Variants in RELA observed in about 807,000 individuals in gnomAD.
The protein encoded by RELA is transcription factor p65.
RELA carries 14 observed loss-of-function variants against 56.7 expected under a neutral mutation model. The observed-to-expected ratio is 0.25, with a 90% CI of 0.16 to 0.39. The LOEUF (loss-of-function observed/expected upper bound fraction) is 0.39, where lower values mean the gene tolerates loss of function less well. RELA is among the 10% of genes least tolerant of loss of function. RELA has a pLI of 1.00. For synonymous variants in RELA, 315 were observed against 289.7 expected (o/e 1.09, Z -0.89); for missense variants, 559 against 736.4 (o/e 0.76, Z 2.79).
chr11:65,660,339 G>A (rs1385779950), intron 4 of RELA, 124 bp from the exon 5 acceptor site: 2 of 823,874 alleles, frequency 2.4e-6, no homozygotes, highest in African/African-American at 3.4e-5. Flanking sequence ...ACCCTCTCCA[G>A]TGGCTTCCTA....
In RELA at chr11:65,654,891, C is replaced by T. The variant is rs12721574; in HGVS notation, c.1143G>A (p.Pro381=). ...CCTGGGGCAGGACTTGGGGAGGGGC[C>T]GGGGCCAAGGCCGAGGCCTGGCTGA... ...GQISQASALA[P]APPQVLPQAP... is the part of the protein sequence containing the mutation. Residue 381 remains proline, a synonymous_variant, in exon 11 of 11, where the codon CCG becomes CCA. Coordinates refer to ENST00000406246, the MANE Select transcript of RELA (RefSeq NM_021975.4). 1.1e-4 allele frequency: 179 copies of T among 1,584,220 alleles called. 1 individual carries two copies. The East Asian group carries it at 3.5e-3, about 31-fold the overall frequency.
Position 65,658,273 on chromosome 11 carries a change from C to A in RELA, c.877+14G>T. The A allele has an allele frequency of 6.4e-7, 1 of 1,568,078 alleles. No individual in the cohort carries two copies. The highest frequency in any genetic ancestry group is 2.3e-5 in the East Asian group (1 of 43,518). On this transcript the variant is annotated intron_variant, in intron 8 of 10. Transcript: ENST00000406246. This position sits in a 1 kb window ranked among gnomAD's most constrained non-coding sequence, Gnocchi z 4.5. Reference sequence around the variant, plus strand: ...GAGCCCAGCTGCCCTGATGCTGCCACCCCAGCTGTGTACCTGTATCTGGCA... The same window carrying A: ...GAGCCCAGCTGCCCTGATGCTGCCAACCCAGCTGTGTACCTGTATCTGGCA...
At chr11:65,655,100 CCTCT>C in intron 10 of RELA, 100 bp from the exon 11 acceptor site, 2 of 957,358 alleles carry the variant, frequency 2.1e-6, no homozygotes, top group Non-Finnish European at 3.2e-6. Context: ...AGGCTCAATC[CCTCT>C]CTAGGGAGTC....
chr11:65,654,265 A>C lies in RELA; in HGVS notation c.*113T>G. ...AATATGGCTCCCCCCTCCAAGGAAG[A>C]CATCCACAAAGTTGGGGGCAGTTGG... On this transcript the variant is annotated 3_prime_UTR_variant, in exon 11 of 11. Coordinates refer to ENST00000406246, the MANE Select transcript of RELA (RefSeq NM_021975.4). 1 of 1,292,222 alleles carries C rather than the reference A, an allele frequency of 7.7e-7. No homozygotes were observed. Among genetic ancestry groups the C allele is most frequent in the Non-Finnish European group, 1.1e-6 (1 of 898,258 alleles). The allele number at this position is 1,292,222 out of a possible 1,614,324, so 80.0% of individuals were successfully genotyped here.
Position 65,655,938 on chromosome 11 carries a change from G to A in RELA, c.878-3C>T, listed in dbSNP as rs1856416031. On this transcript the variant is annotated splice_polypyrimidine_tract_variant and splice_region_variant and intron_variant, in intron 8 of 10. Transcript: ENST00000406246. The stretch of plus-strand genomic sequence containing the variant: ...CTCCTCAATCCGGTGACGATCGTCT[G>A]GGAAAGTAAGGGGGAGAAGTGGGAC... 13 of 1,613,802 alleles carry A rather than the reference G, an allele frequency of 8.1e-6. No homozygotes were observed. Among genetic ancestry groups the A allele is most frequent in the Non-Finnish European group, 1.1e-5 (13 of 1,179,796 alleles).
chr11:65,661,513 G>C, intron 4 of RELA, 174 bp downstream of exon 4: 1 of 583,166 alleles, frequency 1.7e-6, no homozygotes, highest in Non-Finnish European at 3.0e-6. Context: ...ATCTGCTAGA[G>C]TAAACGTACA....
upstream of RELA, chr11:65,663,073 C>A (rs1017619663): frequency 1.5e-5 from 4 of 258,242 alleles, no homozygotes; most frequent in African/African-American, 4.5e-5. Flanking sequence ...GGGCCAAGTG[C>A]GCGCCTCGCC....
rs1003498005 is a variant in RELA, at chr11:65,654,098, C to T, written c.*280G>A. The T allele has an allele frequency of 2.1e-6, 1 of 480,340 alleles. No individual in the cohort carries two copies. Among genetic ancestry groups the T allele is most frequent in the African/African-American group, 2.0e-5 (1 of 50,922 alleles). 29.8% of individuals were successfully genotyped at this position (480,340 alleles called of 1,614,324 possible). A position where few individuals can be genotyped will look rare whatever the true frequency, so the allele number is the denominator to read the frequency against. ...GATGGGGATGGGGGACCCCAGAGTTCCCTACAGAGAAGGGAGCTGACCATC... is the reference window on the plus strand; with the variant it reads ...GATGGGGATGGGGGACCCCAGAGTTTCCTACAGAGAAGGGAGCTGACCATC... On this transcript the variant is annotated 3_prime_UTR_variant, in exon 11 of 11. Coordinates refer to ENST00000406246, the MANE Select transcript of RELA (RefSeq NM_021975.4).
chr11:65,659,607 C>A, intron 6 of RELA, 59 bp downstream of exon 6: 5 of 1,604,406 alleles, frequency 3.1e-6, no homozygotes, highest in Non-Finnish European at 3.4e-6. Context: ...CTCACCCCAA[C>A]CCCCTTCCTC....
At chr11:65,656,053 C>T in intron 8 of RELA, 118 bp from the exon 9 acceptor site, 1 of 814,150 alleles carries the variant, frequency 1.2e-6, no homozygotes, top group Non-Finnish European at 2.1e-6. Flanking sequence ...ATTCTCCCAA[C>T]CTTCTCTGCC....
chr11:65,654,232 A>G lies in RELA; in HGVS notation c.*146T>C, dbSNP rs1213233951. On this transcript the variant is annotated 3_prime_UTR_variant, in exon 11 of 11. Transcript: ENST00000406246. ...AGAGAGATACAGATACTGACAATAA[A>G]AGAATAAAATATGGCTCCCCCCTCC... is the stretch of plus-strand genomic sequence containing the variant. 1 of 966,010 alleles carries G rather than the reference A, an allele frequency of 1.0e-6. No individual in the cohort carries two copies. Among genetic ancestry groups the G allele is most frequent in the Non-Finnish European group, 1.6e-6 (1 of 614,374 alleles). 59.8% of individuals were successfully genotyped at this position (966,010 alleles called of 1,614,324 possible).
chr11:65,660,411 T>C (rs1590937884), intron 4 of RELA, 196 bp from the exon 5 acceptor site: 2 of 602,322 alleles, frequency 3.3e-6, no homozygotes, highest in East Asian at 5.6e-5. Context: ...CCCCTGCCCC[T>C]GCCAGCCTCC....
intron 4 of RELA, among the ~76,000 whole-genome samples, chr11:65,660,979 C>T (rs945525322): frequency 8.9e-5 from 13 of 146,188 alleles, no homozygotes; most frequent in South Asian, 2.2e-4. Flanking sequence ...GTGGAGGTTG[C>T]AGTGAGCTGA....
At chr11:65,661,613 A>G in intron 4 of RELA, 74 bp downstream of exon 4, 1 of 1,405,902 alleles carries the variant, frequency 7.1e-7, no homozygotes, top group South Asian at 1.4e-5. Context: ...AGAAAGGAGT[A>G]ACACTGTAGC....
At chr11:65,660,057 G>T in intron 5 of RELA, 67 bp downstream of exon 5, 1 of 1,465,636 alleles carries the variant, frequency 6.8e-7, no homozygotes, top group South Asian at 1.1e-5. Flanking sequence ...CAGTGAGGGA[G>T]ATGCAGGAAA....
Position 65,655,767 on chromosome 11 carries a change from A to G in RELA, c.959-5T>C, listed in dbSNP as rs775132125. 2 of 1,614,002 alleles carry G rather than the reference A, an allele frequency of 1.2e-6. No homozygotes were observed. Among genetic ancestry groups the G allele is most frequent in the South Asian group, 1.1e-5 (1 of 91,074 alleles). On this transcript the variant is annotated splice_polypyrimidine_tract_variant and splice_region_variant and intron_variant, in intron 9 of 10. Coordinates refer to ENST00000406246, the MANE Select transcript of RELA (RefSeq NM_021975.4). ...GAGGCCGGGGGTCGGTGGGTCCTGT[A>G]GGGCAAGGGCTAGGTCAGTTCTCAG... is the stretch of plus-strand genomic sequence containing the variant.
chr11:65,661,111 C>T lies in RELA; in HGVS notation c.335+576G>A, dbSNP rs111355736. Among the ~76,000 whole-genome samples, 19 of 151,970 alleles carry T rather than the reference C, an allele frequency of 1.3e-4. 1 individual carries two copies. The highest frequency in any genetic ancestry group is 4.6e-4 in the African/African-American group (19 of 41,430). ...GTGCAGTGGTGCAATCATAGCTTGC[C>T]GCAGCAGTGACCTCCTGGGCTCAGG... is the stretch of plus-strand genomic sequence containing the variant. On this transcript the variant is annotated intron_variant, in intron 4 of 10. Coordinates refer to ENST00000406246, the MANE Select transcript of RELA (RefSeq NM_021975.4).
intron 10 of RELA, 193 bp from the exon 11 acceptor site, chr11:65,655,193 T>C: frequency 1.7e-6 from 1 of 602,540 alleles, no homozygotes; most frequent in Admixed American, 3.1e-5. Context: ...ACCTCCACCT[T>C]GGAGTCCTCC....
chr11:65,655,011 G>C lies in RELA; in HGVS notation c.1034-11C>G, dbSNP rs200910833. 1.2e-5 allele frequency: 19 copies of C among 1,585,578 alleles called. No homozygotes were observed. Among genetic ancestry groups the C allele is most frequent in the Admixed American group, 1.1e-4 (6 of 55,038 alleles). ...GATAGGGCTGGGGTGCTGGAGGAGA[G>C]AGACAGAGAGGCAGGGGTCAGAGAA... On this transcript the variant is annotated splice_polypyrimidine_tract_variant and intron_variant, in intron 10 of 10. Coordinates refer to ENST00000406246, the MANE Select transcript of RELA (RefSeq NM_021975.4).
Sources: gnomAD v4.1 joint callset for allele counts (sites outside exome capture counted in the v4.1 genomes callset) on GRCh38, gnomAD v4.1.1 for gene constraint, Gnocchi (gnomAD v3.1) non-coding constraint, MANE v1.5 for transcripts, NCBI Gene and HGNC (gene_info 2026-07-23, HGNC 2026-07-21) for gene names.